LGR6: variants seen among roughly 807,000 people sequenced by gnomAD.
LGR6 encodes leucine-rich repeat-containing G protein-coupled receptor 6.
Under a neutral mutation model 69.4 loss-of-function variants are expected in LGR6, and 45 were observed. The observed-to-expected ratio is 0.65, with a 90% CI of 0.51 to 0.83. The LOEUF is 0.83. Ranked by LOEUF, LGR6 falls within the 40% of genes least tolerant of loss-of-function variation. The pLI is 0.00. For synonymous variants in LGR6, 538 were observed against 555.0 expected, an observed-to-expected ratio of 0.97 and a Z score of 0.43; for missense variants, 1,108 against 1,246.7, an observed-to-expected ratio of 0.89 and a Z score of 1.68.
In LGR6 at chr1:202,205,656, GCACACCTCCCTCAAACATACACA is replaced by G. The variant is rs1360629768; in HGVS notation, c.212+11465_212+11487del. On this transcript the variant is annotated intron_variant, in intron 1 of 17. Coordinates refer to ENST00000367278, the MANE Select transcript of LGR6 (RefSeq NM_001017403.2). Reference sequence around the variant, plus strand: ...ACCTCCTTCAAACACACACACACACGCACACCTCCCTCAAACATACACACACACCTCCTTCAAACATACACACA... The same window carrying G: ...ACCTCCTTCAAACACACACACACACGCACACCTCCTTCAAACATACACACA... Among the ~76,000 whole-genome samples, 245 of 73,254 alleles carry G rather than the reference GCACACCTCCCTCAAACATACACA, an allele frequency of 3.3e-3. 2 individuals carry two copies. The South Asian group carries it at 0.036, about 11-fold the overall frequency. 48.1% of individuals were successfully genotyped at this position (73,254 alleles called of 152,430 possible). A position where few individuals can be genotyped will look rare whatever the true frequency, so the allele number is the denominator to read the frequency against.
intron 4 of LGR6, among the ~76,000 whole-genome samples, chr1:202,265,830 T>G (rs1023173898): frequency 3.9e-5 from 6 of 152,172 alleles, no homozygotes; most frequent in Non-Finnish European, 8.8e-5. Flanking sequence ...ATATCCATGG[T>G]GGGCAAGTTT....
At chr1:202,271,344 G>A (rs1186690263) in intron 4 of LGR6, among the ~76,000 whole-genome samples, 1 of 152,142 alleles carries the variant, frequency 6.6e-6, no homozygotes, top group Non-Finnish European at 1.5e-5. Flanking sequence ...TCCCAGGGGA[G>A]CCTGAACCCT....
At chr1:202,281,117 G>T in intron 6 of LGR6, 1 of 422,602 alleles carries the variant, frequency 2.4e-6, no homozygotes, top group Non-Finnish European at 4.2e-6. Flanking sequence ...CTCCCTGTGG[G>T]CAGAGACCAC....
In LGR6 at chr1:202,213,011, C is replaced by T. The variant is rs1332288476; in HGVS notation, c.213-12412C>T. On this transcript the variant is annotated intron_variant, in intron 1 of 17. Transcript: ENST00000367278. ...CCAGCACTAATGTATAAGGCTCTGT[C>T]CAGCAGTATCTGTGGGTCTGAATCT... 2.0e-5 allele frequency among the ~76,000 whole-genome samples: 3 copies of T among 152,184 alleles called. No homozygotes were observed. The East Asian group carries it at 5.8e-4, about 29-fold the overall frequency.
At chr1:202,308,159 C>T (rs1343104848) in intron 14 of LGR6, among the ~76,000 whole-genome samples, 1 of 152,168 alleles carries the variant, frequency 6.6e-6, no homozygotes, top group Non-Finnish European at 1.5e-5. Context: ...CCTCCAAGGC[C>T]CAGGAGGAGA....
intron 9 of LGR6, among the ~76,000 whole-genome samples, chr1:202,302,096 G>A (rs1300161684): frequency 1.3e-5 from 2 of 152,164 alleles, no homozygotes; most frequent in African/African-American, 2.4e-5. Flanking sequence ...GGAGACTGAG[G>A]CAGGAGAATT....
At chr1:202,239,341 T>TG (rs1661943203) in intron 4 of LGR6, among the ~76,000 whole-genome samples, 4 of 110,342 alleles carry the variant, frequency 3.6e-5, no homozygotes, top group South Asian at 3.1e-4. Context: ...CTTGTGTGTG[T>TG]GTGGTGTGTG....
intron 1 of LGR6, chr1:202,214,116 T>C (rs774486421): frequency 6.9e-6 from 10 of 1,448,120 alleles, no homozygotes; most frequent in African/African-American, 4.5e-5. Flanking sequence ...TGGCGGGCAC[T>C]GGACCGCAGA....
In LGR6 at chr1:202,318,526, C is replaced by T. The variant is rs140681628; in HGVS notation, c.2223C>T (p.Ser741=). 3 of 1,614,084 alleles carry T rather than the reference C, an allele frequency of 1.9e-6. No homozygotes were observed. Among genetic ancestry groups the T allele is most frequent in the South Asian group, 1.1e-5 (1 of 91,078 alleles). ...CCGTGGCCCTGGTGATGATGAACTC[C>T]TTCTGTTTCCTGGTCGTGGCCGGTG... ...GFTVALVMMN[S]FCFLVVAGAY... is the part of the protein sequence containing the mutation. Residue 741 remains serine (S), a synonymous_variant, in exon 18 of 18, where the codon TCC becomes TCT. Transcript: ENST00000367278.
At chr1:202,295,722 CT>C (rs1667104270) in intron 6 of LGR6, among the ~76,000 whole-genome samples, 1 of 152,318 alleles carries the variant, frequency 6.6e-6, no homozygotes, top group Non-Finnish European at 1.5e-5. Flanking sequence ...GTGGGAGCCT[CT>C]CTGTGAGCAA....
At chr1:202,249,290 G>A (rs1314132197) in intron 4 of LGR6, among the ~76,000 whole-genome samples, 1 of 152,064 alleles carries the variant, frequency 6.6e-6, no homozygotes, top group Non-Finnish European at 1.5e-5. Context: ...TTCTTCCTGT[G>A]CCTTCTGTAA....
rs560046690 is a variant in LGR6, at chr1:202,266,120, A to T, written c.429-10186A>T. Reference sequence around the variant, plus strand: ...ACTTTCCAGATTAAAAAAAAAAAAAAAATAACAGGCAGCTTCTACACTCTA... The same window carrying T: ...ACTTTCCAGATTAAAAAAAAAAAAATAATAACAGGCAGCTTCTACACTCTA... On this transcript the variant is annotated intron_variant, in intron 4 of 17. Transcript: ENST00000367278. Among the ~76,000 whole-genome samples, 720 of 152,172 alleles carry T rather than the reference A, an allele frequency of 4.7e-3. 1 individual carries two copies. Among genetic ancestry groups the T allele is most frequent in the Middle Eastern group, 0.014 (4 of 294 alleles).
chr1:202,220,718 A>T (rs1347680299), intron 1 of LGR6, among the ~76,000 whole-genome samples: 1 of 58,852 alleles, frequency 1.7e-5, no homozygotes. Flanking sequence ...TATGCAAAAT[A>T]CTGTGGGGAC....
chr1:202,214,529 A>G (rs2147921375), intron 1 of LGR6, among the ~76,000 whole-genome samples: 1 of 152,114 alleles, frequency 6.6e-6, no homozygotes, highest in African/African-American at 2.4e-5. Flanking sequence ...GCTCCCGGGT[A>G]CGTGCGTGCA....
Position 202,193,887 on chromosome 1 carries a change from C to G in LGR6, c.-103C>G, listed in dbSNP as rs1001062905. 42 of 695,788 alleles carry G rather than the reference C, an allele frequency of 6.0e-5. No individual in the cohort carries two copies. Among genetic ancestry groups the G allele is most frequent in the Non-Finnish European group, 7.9e-5 (40 of 508,660 alleles). 43.1% of individuals were successfully genotyped at this position (695,788 alleles called of 1,614,324 possible). A position where few individuals can be genotyped will look rare whatever the true frequency, so the allele number is the denominator to read the frequency against. ...CCCAATAGAGCCCCTGGGGCGGTCC[C>G]CACCGACGGTGCAGCCCGCCGGGAC... is the stretch of plus-strand genomic sequence containing the variant. On this transcript the variant is annotated 5_prime_UTR_variant, in exon 1 of 18. Coordinates refer to ENST00000367278, the MANE Select transcript of LGR6 (RefSeq NM_001017403.2).
intron 1 of LGR6, among the ~76,000 whole-genome samples, chr1:202,217,293 T>C (rs1437889030): frequency 6.6e-6 from 1 of 152,106 alleles, no homozygotes; most frequent in Non-Finnish European, 1.5e-5. Flanking sequence ...AAATCTAGCA[T>C]TTTTGAGAGA....
At chr1:202,285,953 A>G (rs1331988178) in intron 6 of LGR6, among the ~76,000 whole-genome samples, 2 of 152,120 alleles carry the variant, frequency 1.3e-5, no homozygotes, top group African/African-American at 4.8e-5. Flanking sequence ...TCTGGTGGCA[A>G]TCCTTGACTT....
At chr1:202,301,607 G>A (rs748195652) in intron 9 of LGR6, among the ~76,000 whole-genome samples, 1 of 152,200 alleles carries the variant, frequency 6.6e-6, no homozygotes. Context: ...CTGTGGCCTT[G>A]GAGCCCAGAT....
intron 6 of LGR6, among the ~76,000 whole-genome samples, chr1:202,287,222 G>A (rs1193186328): frequency 1.3e-5 from 2 of 152,044 alleles, no homozygotes; most frequent in East Asian, 1.9e-4. Context: ...TAAGTTTTTA[G>A]TATATGCCAG....
Sources: gnomAD v4.1 joint callset for allele counts (sites outside exome capture counted in the v4.1 genomes callset) on GRCh38, gnomAD v4.1.1 for gene constraint, MANE v1.5 for transcripts, NCBI Gene and HGNC (gene_info 2026-07-23, HGNC 2026-07-21) for gene names.